CAGE1: variants seen among roughly 807,000 people sequenced by gnomAD.
The protein encoded by CAGE1 is cancer antigen 1.
Under a neutral mutation model 94.9 loss-of-function variants are expected in CAGE1, and 66 were observed. The ratio of observed to expected loss-of-function variants is 0.70; its 90% CI spans 0.57 to 0.85. The LOEUF is 0.85. Among genes scored for constraint, CAGE1 ranks in the 40% least tolerant of loss-of-function variants. The pLI, the probability that CAGE1 is intolerant of heterozygous loss-of-function variation, is 0.00. For missense variants in CAGE1, 865 were observed against 950.4 expected, an observed-to-expected ratio of 0.91 and a Z score of 1.18; for synonymous variants, 319 against 321.0, an observed-to-expected ratio of 0.99 and a Z score of 0.07.
chr6:7,341,787 G>A lies in CAGE1; in HGVS notation c.2370-7697C>T, dbSNP rs1250452770. On this transcript the variant is annotated intron_variant, in intron 11 of 13. Transcript: ENST00000502583. ...CCAGTGCAGAGAAGACAGAGCAGCAGCCATTTAGAACAACCACATTTTCTG... is the reference window on the plus strand; with the variant it reads ...CCAGTGCAGAGAAGACAGAGCAGCAACCATTTAGAACAACCACATTTTCTG... 3 of 683,730 alleles carry A rather than the reference G, an allele frequency of 4.4e-6. No individual in the cohort carries two copies. In the African/African-American group the frequency reaches 5.3e-5, roughly 12 times the overall value. The allele number at this position is 683,730 out of a possible 1,614,324, so 42.4% of individuals were successfully genotyped here.
Position 7,369,003 on chromosome 6 carries a change from T to TA in CAGE1, c.1894-206dup, listed in dbSNP as rs1760449860. Among the ~76,000 whole-genome samples, 4 of 143,444 alleles carry TA rather than the reference T, an allele frequency of 2.8e-5. No homozygotes were observed. The Admixed American group carries it at 3.0e-4, about 11-fold the overall frequency. The allele number at this position is 143,444 out of a possible 152,430, so 94.1% of individuals were successfully genotyped here. The stretch of plus-strand genomic sequence containing the variant: ...TAGTACAGAAAGATTTCATTTTTTT[T>TA]ATTTTAATTTTTTTTTTTTTTTTGA... On this transcript the variant is annotated intron_variant, in intron 6 of 13. Coordinates refer to ENST00000502583, the MANE Select transcript of CAGE1 (RefSeq NM_001170692.2).
At chr6:7,360,929 A>G (rs568445277) in intron 9 of CAGE1, among the ~76,000 whole-genome samples, 3 of 152,286 alleles carry the variant, frequency 2.0e-5, no homozygotes, top group African/African-American at 7.2e-5. Flanking sequence ...CCTGGGTGAC[A>G]GAGCACGACT....
At chr6:7,389,086 T>C (rs1005945759) in intron 1 of CAGE1, 116 bp downstream of exon 1, 3 of 336,924 alleles carry the variant, frequency 8.9e-6, no homozygotes, top group Non-Finnish European at 1.8e-5. Flanking sequence ...TGAATAGATG[T>C]TCCAGAGACA....
chr6:7,383,214 C>T (rs1385625164), intron 3 of CAGE1, among the ~76,000 whole-genome samples: 1 of 152,244 alleles, frequency 6.6e-6, no homozygotes, highest in African/African-American at 2.4e-5. Flanking sequence ...CCTTCCCAGT[C>T]ATGTGGAACT....
chr6:7,388,594 C>T (rs1761219573), intron 1 of CAGE1, among the ~76,000 whole-genome samples: 3 of 152,300 alleles, frequency 2.0e-5, no homozygotes, highest in East Asian at 3.9e-4. Context: ...TGAATAAAAC[C>T]TGCATTCCAA....
chr6:7,378,494 C>T (rs990207898), intron 4 of CAGE1, 123 bp downstream of exon 4: 2 of 727,248 alleles, frequency 2.8e-6, no homozygotes, highest in East Asian at 2.7e-5. Flanking sequence ...TCCTTTAATA[C>T]TCCACAGGCT....
At chr6:7,348,695 C>G (rs1561854274) in intron 11 of CAGE1, among the ~76,000 whole-genome samples, 1 of 151,770 alleles carries the variant, frequency 6.6e-6, no homozygotes, top group Non-Finnish European at 1.5e-5. Flanking sequence ...GAGAAATATT[C>G]AAGGAAATAG....
intron 11 of CAGE1, among the ~76,000 whole-genome samples, chr6:7,336,883 C>T (rs1377916587): frequency 6.6e-6 from 1 of 152,112 alleles, no homozygotes; most frequent in East Asian, 1.9e-4. Context: ...AAATCTTCGC[C>T]CATTTTTATT....
In CAGE1 at chr6:7,365,856, G is replaced by A. The variant is rs1296563931; in HGVS notation, c.2033C>T (p.Thr678Ile). 2.6e-6 allele frequency: 4 copies of A among 1,536,772 alleles called. No homozygotes were observed. The highest frequency in any genetic ancestry group is 4.0e-5 in the Admixed American group (2 of 49,416). Residue 678 changes from threonine to isoleucine, a missense_variant, in exon 8 of 14, where the codon ACC (threonine) becomes ATC (isoleucine). Transcript: ENST00000502583. ...ELLKHKDRITTFRELIAKEKA... is the reference protein window; with the variant it reads ...ELLKHKDRITIFRELIAKEKA... ...TTCCTTAGCAATTAACTCTCTAAAG[G>A]TTGTGATTCTATCTTTATGTTTCAG...
intron 11 of CAGE1, among the ~76,000 whole-genome samples, chr6:7,343,079 C>G (rs1969862): frequency 6.6e-6 from 1 of 151,598 alleles, no homozygotes; most frequent in African/African-American, 2.4e-5. Context: ...ATCCCAGCTA[C>G]TTGGGAGGCT....
At chr6:7,352,310 A>AG (rs1561855970) in intron 11 of CAGE1, among the ~76,000 whole-genome samples, 1 of 134,058 alleles carries the variant, frequency 7.5e-6, no homozygotes, top group Admixed American at 8.0e-5. Context: ...AAAAAACAAA[A>AG]AAAAACAAAA....
intron 1 of CAGE1, among the ~76,000 whole-genome samples, chr6:7,387,906 T>C (rs9505190): frequency 0.88 from 131,328 of 148,670 alleles, 58,598 homozygotes; most frequent in Middle Eastern, 0.97. Context: ...CGGTGGCGTG[T>C]GCCTGTAGTC....
In CAGE1 at chr6:7,370,065, C is replaced by A. The variant is rs994066947; in HGVS notation, c.1747G>T (p.Asp583Tyr). 3.8e-6 allele frequency: 6 copies of A among 1,587,190 alleles called. No homozygotes were observed. In the East Asian group the frequency reaches 1.4e-4, roughly 36 times the overall value. ...AGATTAGAATGTGTCGTTTTTGTAT[C>A]CTACATGCACGTAATTCAGATTTGT... is the stretch of plus-strand genomic sequence containing the variant. ...EEVLKSDITK[D>Y]TKTTHSNLLP... The change falls in exon 6 of 14, where the codon GAT becomes TAT. Residue 583 changes from aspartate (D) to tyrosine (Y), a missense_variant and splice_region_variant. Transcript: ENST00000502583.
At chr6:7,346,433 C>T (rs1759541226) in intron 11 of CAGE1, among the ~76,000 whole-genome samples, 1 of 152,042 alleles carries the variant, frequency 6.6e-6, no homozygotes, top group Admixed American at 6.5e-5. Context: ...CCTGTAGTCC[C>T]AGCTACTTGG....
intron 5 of CAGE1, 90 bp downstream of exon 5, chr6:7,372,983 C>G (rs774636875): frequency 4.5e-4 from 415 of 922,398 alleles, no homozygotes; most frequent in Non-Finnish European, 6.2e-4. Flanking sequence ...TTTCTGCAAA[C>G]AAATATAAGT....
At position 7,335,540 on chromosome 6, in the gene CAGE1, G is replaced by A. The variant is rs368722327; in HGVS notation, c.2370-1450C>T. Among the ~76,000 whole-genome samples the A allele has an allele frequency of 5.1e-4, 77 of 152,332 alleles. 1 individual carries two copies. The highest frequency in any genetic ancestry group is 1.8e-3 in the African/African-American group (73 of 41,572). ...TTGCCAAATGTTGCCATGTGAGAATGCTGCAGCCGTGAGATCAGATCTTCT... is the reference window on the plus strand; with the variant it reads ...TTGCCAAATGTTGCCATGTGAGAATACTGCAGCCGTGAGATCAGATCTTCT... On this transcript the variant is annotated intron_variant, in intron 11 of 13. Coordinates refer to ENST00000502583, the MANE Select transcript of CAGE1 (RefSeq NM_001170692.2).
chr6:7,355,225 T>C, intron 10 of CAGE1, 114 bp from the exon 11 acceptor site: 7 of 622,484 alleles, frequency 1.1e-5, no homozygotes, highest in Non-Finnish European at 2.0e-5. Context: ...AGTTTCATAA[T>C]AGGCAAAACA....
rs1761259492 is a variant in CAGE1 at position 7,389,459 on chromosome 6, G to A, written c.-281C>T. The A allele has an allele frequency of 4.9e-6, 2 of 404,274 alleles. No individual in the cohort carries two copies. The highest frequency in any genetic ancestry group is 3.5e-5 in the South Asian group (2 of 57,530). 25.0% of individuals were successfully genotyped at this position (404,274 alleles called of 1,614,324 possible). A position where few individuals can be genotyped will look rare whatever the true frequency, so the allele number is the denominator to read the frequency against. ...CTGTGTGACGTCCGCCCGCGCCGGG[G>A]GAACTCCGCAGAGACAGGTGCAGCC... On this transcript the variant is annotated 5_prime_UTR_variant, in exon 1 of 14. Transcript: ENST00000502583.
chr6:7,350,347 G>T (rs1759727254), intron 11 of CAGE1, among the ~76,000 whole-genome samples: 1 of 152,148 alleles, frequency 6.6e-6, no homozygotes, highest in Non-Finnish European at 1.5e-5. Context: ...CACTAGACAG[G>T]TCATCAGGAC....
Sources: gnomAD v4.1 joint callset for allele counts (sites outside exome capture counted in the v4.1 genomes callset) on GRCh38, gnomAD v4.1.1 for gene constraint, MANE v1.5 for transcripts, NCBI Gene and HGNC (gene_info 2026-07-23, HGNC 2026-07-21) for gene names.